The following MEGF10 variants were observed in gnomAD, a reference collection of about 807,000 sequenced individuals.
MEGF10 encodes the protein multiple EGF like domains 10.
MEGF10 carries 86 observed loss-of-function variants against 147.5 expected under a neutral mutation model. The observed-to-expected ratio is 0.58, with a 90% CI of 0.49 to 0.70. MEGF10 has a LOEUF of 0.70. Ranked by LOEUF, MEGF10 falls within the 30% of genes least tolerant of loss-of-function variation. The pLI is 0.00. For missense variants in MEGF10, 1,329 were observed against 1,487.3 expected (o/e 0.89, Z 1.75); for synonymous variants, 478 against 525.5 (o/e 0.91, Z 1.24).
intron 2 of MEGF10, among the ~76,000 whole-genome samples, chr5:127,334,327 A>AG (rs1429919336): frequency 1.3e-5 from 2 of 152,130 alleles, no homozygotes; most frequent in South Asian, 4.1e-4. Flanking sequence ...TGTGGTTTGC[A>AG]GAGCTGAGGC....
At chr5:127,456,236 T>A (rs1243023764) in intron 24 of MEGF10, among the ~76,000 whole-genome samples, 1 of 152,180 alleles carries the variant, frequency 6.6e-6, no homozygotes. Flanking sequence ...TTAGCAAGAT[T>A]GAAACATTTT....
At chr5:127,262,674 T>A in the MEGF10 span, among the ~76,000 whole-genome samples, 2 of 152,208 alleles carry the variant, frequency 1.3e-5, no homozygotes, top group South Asian at 4.1e-4. Flanking sequence ...CAGCTCACTC[T>A]ATTTTATTTC....
In MEGF10 at chr5:127,410,248, G is replaced by C. The variant is rs76221063; in HGVS notation, c.918-141G>C. The C allele has an allele frequency of 0.024, 17,193 of 723,566 alleles. 371 individuals carry two copies. Among genetic ancestry groups the C allele is most frequent in the South Asian group, 0.066 (3,873 of 58,750 alleles). The allele number at this position is 723,566 out of a possible 1,614,324, so 44.8% of individuals were successfully genotyped here. ...TAATGTATCTTAACGCTTTTCATCC[G>C]TGTAATGGGACAATCACTAAATAAT... On this transcript the variant is annotated intron_variant, in intron 8 of 24. Transcript: ENST00000503335.
chr5:127,426,330 T>A (rs1298983027), intron 13 of MEGF10, among the ~76,000 whole-genome samples: 1 of 152,206 alleles, frequency 6.6e-6, no homozygotes, highest in African/African-American at 2.4e-5. Context: ...CAAAATATAC[T>A]GTTATGAAAA....
chr5:127,369,595 G>A (rs1409069767), intron 4 of MEGF10, among the ~76,000 whole-genome samples: 1 of 152,106 alleles, frequency 6.6e-6, no homozygotes, highest in Non-Finnish European at 1.5e-5. Context: ...AAACAAAAAG[G>A]AATATTTGAT....
chr5:127,436,425 G>A (rs1248825684), intron 16 of MEGF10, among the ~76,000 whole-genome samples: 3 of 152,168 alleles, frequency 2.0e-5, no homozygotes, highest in Non-Finnish European at 4.4e-5. Context: ...TCTCAGAAGT[G>A]TAGCTCTTTG....
intron 22 of MEGF10, among the ~76,000 whole-genome samples, chr5:127,449,608 C>T (rs1282974596): frequency 6.6e-6 from 1 of 152,154 alleles, no homozygotes; most frequent in Non-Finnish European, 1.5e-5. Context: ...TGCACAGGAC[C>T]TCATCGCCTG....
In MEGF10 at chr5:127,454,935, A is replaced by T. The variant is rs17164939; in HGVS notation, c.3025+325A>T. 5.2e-3 allele frequency among the ~76,000 whole-genome samples: 796 copies of T among 152,284 alleles called. 7 individuals are homozygous for T. Among genetic ancestry groups the T allele is most frequent in the African/African-American group, 0.019 (770 of 41,556 alleles). ...GCCGGGACAATAAGAAAAGATCCACATGGTTACATGTTGACCAAGTTCTGC... is the reference window on the plus strand; with the variant it reads ...GCCGGGACAATAAGAAAAGATCCACTTGGTTACATGTTGACCAAGTTCTGC... On this transcript the variant is annotated intron_variant, in intron 23 of 24. Transcript: ENST00000503335.
chr5:127,423,812 T>G (rs1765113943), intron 13 of MEGF10, among the ~76,000 whole-genome samples: 1 of 152,218 alleles, frequency 6.6e-6, no homozygotes, highest in African/African-American at 2.4e-5. Flanking sequence ...AAATATTTTA[T>G]TCCATTCTTT....
intron 19 of MEGF10, chr5:127,444,843 T>C (rs1362233742): frequency 1.3e-5 from 2 of 152,962 alleles, no homozygotes; most frequent in East Asian, 1.9e-4. Context: ...ACTAGATTTA[T>C]AATGGTGTTA....
chr5:127,451,376 C>A (rs755550605), intron 22 of MEGF10, among the ~76,000 whole-genome samples: 1 of 152,126 alleles, frequency 6.6e-6, no homozygotes, highest in Non-Finnish European at 1.5e-5. Context: ...TTATCACGCT[C>A]GCTGTACAAA....
chr5:127,229,865 T>C, the MEGF10 span: 11 of 152,280 alleles, frequency 7.2e-5, no homozygotes, highest in Non-Finnish European at 1.3e-4. Flanking sequence ...GGGCGCAGGC[T>C]TTCGGGCTGG....
chr5:127,418,545 T>C (rs1185502573), intron 10 of MEGF10, among the ~76,000 whole-genome samples: 1 of 152,234 alleles, frequency 6.6e-6, no homozygotes, highest in East Asian at 1.9e-4. Context: ...GCCCTTGAAT[T>C]AGCTTTGTCT....
At chr5:127,332,184 A>T (rs192652293) in intron 2 of MEGF10, among the ~76,000 whole-genome samples, 1 of 152,340 alleles carries the variant, frequency 6.6e-6, no homozygotes, top group East Asian at 1.9e-4. Context: ...ACACAAAAAT[A>T]GTGCAAACCC....
At chr5:127,238,165 C>G in the MEGF10 span, among the ~76,000 whole-genome samples, 1 of 151,716 alleles carries the variant, frequency 6.6e-6, no homozygotes, top group African/African-American at 2.4e-5. Context: ...AAGCAATTCT[C>G]CTGCCTCAGC....
rs762945856 is a variant in MEGF10, at chr5:127,438,446, A to G, written c.2112A>G (p.Pro704=). 2.5e-6 allele frequency: 4 copies of G among 1,613,872 alleles called. No individual in the cohort carries two copies. The highest frequency in any genetic ancestry group is 3.4e-6 in the Non-Finnish European group (4 of 1,179,932). Reference sequence around the variant, plus strand: ...CCATACCTGTAATTTCAGCATGTCCACCTGCCCACTGGGGCCCAAACTGCA... The same window carrying G: ...CCATACCTGTAATTTCAGCATGTCCGCCTGCCCACTGGGGCCCAAACTGCA... The part of the protein sequence containing the change: ...WIGSDCSQPC[P]PAHWGPNCIH... Residue 704 remains proline (P), a synonymous_variant, in exon 17 of 25, where the codon CCA becomes CCG. Coordinates refer to ENST00000503335, the MANE Select transcript of MEGF10 (RefSeq NM_001256545.2).
intron 13 of MEGF10, 123 bp downstream of exon 13, chr5:127,422,895 G>A (rs1765072371): frequency 2.8e-6 from 2 of 721,344 alleles, no homozygotes; most frequent in Non-Finnish European, 4.7e-6. Context: ...AATTCGATAA[G>A]GTTTCCAGTA....
At chr5:127,415,896 C>CAAAAAAAAAAAAA (rs1156648076) in intron 9 of MEGF10, among the ~76,000 whole-genome samples, 1 of 55,578 alleles carries the variant, frequency 1.8e-5, no homozygotes, top group African/African-American at 5.8e-5. Flanking sequence ...GACTCCATCT[C>CAAAAAAAAAAAAA]AAAAAAAAAA....
the MEGF10 span, among the ~76,000 whole-genome samples, chr5:127,256,408 G>A: frequency 6.6e-6 from 1 of 152,142 alleles, no homozygotes; most frequent in South Asian, 2.1e-4. Context: ...AAAGGAGATA[G>A]TCCTTGATGT....
Sources: allele counts gnomAD v4.1 joint callset (sites outside exome capture counted in the v4.1 genomes callset), GRCh38; gene constraint gnomAD v4.1.1; transcripts MANE v1.5; gene names NCBI Gene and HGNC (gene_info 2026-07-23, HGNC 2026-07-21).